Variants in TSPAN15 observed in about 807,000 individuals in gnomAD.
TSPAN15 encodes the protein tetraspanin-15.
TSPAN15 carries 20 observed loss-of-function variants against 34.5 expected under a neutral mutation model. The ratio of observed to expected loss-of-function variants is 0.58; its 90% CI spans 0.41 to 0.84. The LOEUF is 0.84. Among genes scored for constraint, TSPAN15 ranks in the 40% least tolerant of loss-of-function variants. The pLI is 0.00. For synonymous variants in TSPAN15, 155 were observed against 153.9 expected (o/e 1.01, Z -0.05); for missense variants, 313 against 386.1 (o/e 0.81, Z 1.59).
chr10:69,468,136 C>T (rs1841428430), intron 1 of TSPAN15, among the ~76,000 whole-genome samples: 4 of 144,824 alleles, frequency 2.8e-5, no homozygotes, highest in South Asian at 4.8e-4. Flanking sequence ...CCCACGTTCT[C>T]ATTAGGAGAG....
At chr10:69,546,450 A>G in the TSPAN15 span, among the ~76,000 whole-genome samples, 1 of 152,194 alleles carries the variant, frequency 6.6e-6, no homozygotes, top group African/African-American at 2.4e-5. Context: ...CCCATGGCCT[A>G]TGGGACACAT....
chr10:69,453,553 G>C (rs531359765), intron 1 of TSPAN15, among the ~76,000 whole-genome samples: 1 of 152,278 alleles, frequency 6.6e-6, no homozygotes, highest in African/African-American at 2.4e-5. Context: ...TCACAAACCA[G>C]TCTCTCTACC....
At chr10:69,485,622 G>A (rs1292944523) in intron 3 of TSPAN15, among the ~76,000 whole-genome samples, 1 of 152,118 alleles carries the variant, frequency 6.6e-6, no homozygotes, top group Non-Finnish European at 1.5e-5. Context: ...GCCATGAGTT[G>A]GGAGCTTGGA....
intron 3 of TSPAN15, 82 bp downstream of exon 3, chr10:69,485,297 G>A: frequency 8.5e-7 from 1 of 1,174,798 alleles, no homozygotes; most frequent in Non-Finnish European, 1.3e-6. Flanking sequence ...GGGTATGGCA[G>A]TGAGCAGGGC....
rs1330766487 is a variant in TSPAN15 at position 69,483,346 on chromosome 10, C to G, written c.97-345C>G. 2.6e-5 allele frequency among the ~76,000 whole-genome samples: 4 copies of G among 151,826 alleles called. No individual in the cohort carries two copies. The East Asian group carries it at 7.7e-4, about 29-fold the overall frequency. ...GCTTGTAGACGCTGCCTTCTCCCTGCGTGTTCACACAGTCTTCCCTCTGTG... is the reference window on the plus strand; with the variant it reads ...GCTTGTAGACGCTGCCTTCTCCCTGGGTGTTCACACAGTCTTCCCTCTGTG... On this transcript the variant is annotated intron_variant, in intron 1 of 7. Coordinates refer to ENST00000373290, the MANE Select transcript of TSPAN15 (RefSeq NM_012339.5).
chr10:69,515,222 C>T, the TSPAN15 span, among the ~76,000 whole-genome samples: 13 of 152,302 alleles, frequency 8.5e-5, no homozygotes, highest in Admixed American at 4.6e-4. Context: ...ATTTTGCTTT[C>T]CCAACCTCTT....
chr10:69,526,916 G>A, the TSPAN15 span, among the ~76,000 whole-genome samples: 1 of 147,628 alleles, frequency 6.8e-6, no homozygotes, highest in Non-Finnish European at 1.5e-5. Flanking sequence ...CAGTCTGGCA[G>A]TTACTCAAAT....
intron 3 of TSPAN15, among the ~76,000 whole-genome samples, chr10:69,488,787 A>C (rs1841909440): frequency 6.6e-6 from 1 of 152,204 alleles, no homozygotes; most frequent in South Asian, 2.1e-4. Context: ...CAAAGATCAC[A>C]TGCTTCTAAG....
intron 3 of TSPAN15, chr10:69,494,830 G>C: frequency 2.0e-6 from 2 of 985,612 alleles, no homozygotes; most frequent in Non-Finnish European, 2.4e-6. Flanking sequence ...CAGTGAGCTG[G>C]GCTGCCCACG....
intron 1 of TSPAN15, among the ~76,000 whole-genome samples, chr10:69,473,145 C>T (rs554477151): frequency 2.6e-5 from 4 of 152,248 alleles, no homozygotes; most frequent in African/African-American, 9.6e-5. Context: ...GAAGACTTCC[C>T]AGGGGAGGAG....
chr10:69,549,157 A>T, the TSPAN15 span, among the ~76,000 whole-genome samples: 1 of 152,130 alleles, frequency 6.6e-6, no homozygotes, highest in South Asian at 2.1e-4. Flanking sequence ...CCATAATTAG[A>T]TGTGGATGCT....
the TSPAN15 span, among the ~76,000 whole-genome samples, chr10:69,544,785 C>A: frequency 6.6e-6 from 1 of 152,144 alleles, no homozygotes; most frequent in East Asian, 1.9e-4. Flanking sequence ...GGGCCACAAG[C>A]GTGTCCAGTC....
At chr10:69,489,791 G>A (rs1392520337) in intron 3 of TSPAN15, among the ~76,000 whole-genome samples, 2 of 152,240 alleles carry the variant, frequency 1.3e-5, no homozygotes, top group East Asian at 3.8e-4. Context: ...CATGCACTGG[G>A]GAGCTGGGCA....
the TSPAN15 span, among the ~76,000 whole-genome samples, chr10:69,536,485 A>G: frequency 2.0e-5 from 3 of 152,198 alleles, no homozygotes; most frequent in Non-Finnish European, 2.9e-5. Flanking sequence ...TTCGTCTGCT[A>G]GGGCTGCCAT....
the TSPAN15 span, among the ~76,000 whole-genome samples, chr10:69,539,536 A>AAGAAGAAGAAGAAGGAGG: frequency 1.0e-3 from 72 of 71,508 alleles, 3 homozygotes; most frequent in Non-Finnish European, 7.8e-4. Flanking sequence ...GAAGAAGAAG[A>AAGAAGAAGAAGAAGGAGG]AGGAGAAGGA....
At chr10:69,455,143 A>G (rs1841057027) in intron 1 of TSPAN15, among the ~76,000 whole-genome samples, 1 of 126,102 alleles carries the variant, frequency 7.9e-6, no homozygotes, top group Non-Finnish European at 1.6e-5. Flanking sequence ...GCCTGGTGAC[A>G]GTCTCAAAAA....
chr10:69,480,332 G>A (rs1319225431), intron 1 of TSPAN15, among the ~76,000 whole-genome samples: 6 of 145,024 alleles, frequency 4.1e-5, no homozygotes, highest in Non-Finnish European at 7.8e-5. Flanking sequence ...CAGGGAAGAA[G>A]AAGCATTTTT....
the TSPAN15 span, among the ~76,000 whole-genome samples, chr10:69,521,170 G>T: frequency 6.6e-6 from 1 of 152,152 alleles, no homozygotes; most frequent in African/African-American, 2.4e-5. Flanking sequence ...TCCTTCCCCA[G>T]CGTGGGCAGG....
the TSPAN15 span, among the ~76,000 whole-genome samples, chr10:69,547,505 G>C: frequency 6.6e-6 from 1 of 152,118 alleles, no homozygotes; most frequent in Non-Finnish European, 1.5e-5. Flanking sequence ...ATCAGAAAAT[G>C]TCTACTCTCA....
Sources: allele counts gnomAD v4.1 joint callset (sites outside exome capture counted in the v4.1 genomes callset), GRCh38; gene constraint gnomAD v4.1.1; transcripts MANE v1.5; gene names NCBI Gene and HGNC (gene_info 2026-07-23, HGNC 2026-07-21).